Variants in TPTE2 observed in about 807,000 individuals in gnomAD.
The protein encoded by TPTE2 is transmembrane phosphoinositide 3-phosphatase and tensin homolog 2, also known as phosphatidylinositol 3,4,5-trisphosphate 3-phosphatase TPTE2.
TPTE2 carries 53 observed loss-of-function variants against 78.6 expected under a neutral mutation model. The ratio of observed to expected loss-of-function variants is 0.67; its 90% CI spans 0.54 to 0.85. The LOEUF (loss-of-function observed/expected upper bound fraction) is 0.85. Ranked by LOEUF, TPTE2 falls within the 40% of genes least tolerant of loss-of-function variation. The probability of loss-of-function intolerance (pLI) is 0.00; values close to 1 mark genes in which losing one functional copy is unlikely to be tolerated. For missense variants in TPTE2, 461 were observed against 623.0 expected (o/e 0.74, Z 2.77); for synonymous variants, 175 against 206.2 (o/e 0.85, Z 1.30).
chr13:19,438,292 A>G, intron 13 of TPTE2, 139 bp from the exon 17 acceptor site: 1 of 1,326,786 alleles, frequency 7.5e-7, no homozygotes, highest in Non-Finnish European at 9.7e-7. Context: ...GCTGGAGTGC[A>G]GTGGCACAAT....
the TPTE2 span, among the ~76,000 whole-genome samples, chr13:19,550,618 G>C: frequency 6.6e-6 from 1 of 152,064 alleles, no homozygotes; most frequent in Non-Finnish European, 1.5e-5. Flanking sequence ...CATATAATGA[G>C]TACTATTATT....
At chr13:19,511,158 G>A (rs934682935) in intron 1 of TPTE2, among the ~76,000 whole-genome samples, 1 of 152,210 alleles carries the variant, frequency 6.6e-6, no homozygotes, top group Non-Finnish European at 1.5e-5. Flanking sequence ...TCTGGCATAA[G>A]GATAATAATT....
At chr13:19,457,305 T>C (rs1409717119) in intron 10 of TPTE2, among the ~76,000 whole-genome samples, 1 of 152,202 alleles carries the variant, frequency 6.6e-6, no homozygotes. Context: ...TGGTTATAGA[T>C]GCATGCATAT....
intron 6 of TPTE2, among the ~76,000 whole-genome samples, chr13:19,472,615 T>C (rs569536392): frequency 6.6e-6 from 1 of 152,332 alleles, no homozygotes; most frequent in Non-Finnish European, 1.5e-5. Context: ...TATTTTGATT[T>C]CTTTGTCTAA....
chr13:19,449,505 T>G (rs1878045775), intron 13 of TPTE2, among the ~76,000 whole-genome samples: 1 of 152,196 alleles, frequency 6.6e-6, no homozygotes, highest in Non-Finnish European at 1.5e-5. Flanking sequence ...GGAAATTTAT[T>G]GTACAACATA....
At chr13:19,521,082 G>C (rs757431351) in intron 1 of TPTE2, among the ~76,000 whole-genome samples, 2 of 151,994 alleles carry the variant, frequency 1.3e-5, no homozygotes, top group African/African-American at 4.8e-5. Flanking sequence ...CTGGGGGATG[G>C]AGAATGCTAT....
chr13:19,522,427 G>C (rs888545139), intron 1 of TPTE2, among the ~76,000 whole-genome samples: 4 of 152,110 alleles, frequency 2.6e-5, no homozygotes, highest in Non-Finnish European at 1.5e-5. Flanking sequence ...AAAGAAATTT[G>C]TGCCAGTTTT....
intron 11 of TPTE2, 137 bp downstream of exon 14, chr13:19,451,028 G>A (rs1878142648): frequency 9.3e-7 from 1 of 1,072,454 alleles, no homozygotes. Context: ...GCCAGTCCAA[G>A]ATGGGGATTT....
intron 1 of TPTE2, among the ~76,000 whole-genome samples, chr13:19,494,855 G>C (rs996297647): frequency 6.6e-6 from 1 of 152,180 alleles, no homozygotes. Flanking sequence ...AATAGCTACA[G>C]TTAGTCTATG....
At chr13:19,479,441 T>C (rs879640831) in intron 4 of TPTE2, among the ~76,000 whole-genome samples, 2 of 151,918 alleles carry the variant, frequency 1.3e-5, no homozygotes, top group African/African-American at 2.4e-5. Flanking sequence ...CAATAAAAAA[T>C]GCAAGGGATA....
intron 19 of TPTE2, 76 bp downstream of exon 22, chr13:19,424,870 CA>C: frequency 1.1e-6 from 1 of 942,994 alleles, no homozygotes. Flanking sequence ...TGACAACCAG[CA>C]AAAGACTTGC....
At chr13:19,518,080 C>T (rs116703977) in intron 1 of TPTE2, among the ~76,000 whole-genome samples, 3,857 of 152,200 alleles carry the variant, frequency 0.025, 128 homozygotes, top group African/African-American at 0.075. Context: ...TTAATGTTTA[C>T]TAGACAATAT....
At chr13:19,556,977 C>T in the TPTE2 span, among the ~76,000 whole-genome samples, 1,163 of 152,210 alleles carry the variant, frequency 7.6e-3, 12 homozygotes, top group African/African-American at 0.025. Context: ...AATTTCTTAC[C>T]CAGAGAAAAC....
At chr13:19,526,491 C>CACTT (rs1230531445) in intron 1 of TPTE2, among the ~76,000 whole-genome samples, 4 of 149,312 alleles carry the variant, frequency 2.7e-5, no homozygotes, top group Admixed American at 2.6e-4. Flanking sequence ...CTCATGTTCT[C>CACTT]ACTTATAAGT....
upstream of TPTE2, chr13:19,505,871 G>A (rs1001291394): frequency 6.6e-6 from 1 of 151,694 alleles, no homozygotes; most frequent in Non-Finnish European, 1.5e-5. Flanking sequence ...CACCAACTTA[G>A]AGTGACAAAT....
chr13:19,523,984 G>A (rs1870347445), intron 1 of TPTE2, among the ~76,000 whole-genome samples: 1 of 152,174 alleles, frequency 6.6e-6, no homozygotes, highest in Non-Finnish European at 1.5e-5. Flanking sequence ...TCGGGGCAAT[G>A]AATAGGAACG....
At chr13:19,539,999 C>G (rs1290686689), upstream of TPTE2, among the ~76,000 whole-genome samples, 2 of 152,110 alleles carry the variant, frequency 1.3e-5, no homozygotes, top group East Asian at 3.9e-4. Flanking sequence ...GCAAAATTAG[C>G]CAGGTGTGGG....
At chr13:19,533,479 T>C (rs1298028670) in intron 1 of TPTE2, among the ~76,000 whole-genome samples, 2 of 152,252 alleles carry the variant, frequency 1.3e-5, no homozygotes, top group African/African-American at 4.8e-5. Flanking sequence ...TAACTAAATC[T>C]GAAAATACAA....
chr13:19,530,252 T>C (rs1206374865), intron 1 of TPTE2, among the ~76,000 whole-genome samples: 3 of 152,152 alleles, frequency 2.0e-5, no homozygotes, highest in Non-Finnish European at 2.9e-5. Context: ...TTATAAGGTG[T>C]TTCAAAAATT....
Sources: allele counts gnomAD v4.1 joint callset (sites outside exome capture counted in the v4.1 genomes callset), GRCh38; gene constraint gnomAD v4.1.1; transcripts MANE v1.5; gene names NCBI Gene and HGNC (gene_info 2026-07-23, HGNC 2026-07-21).